Variants in GRID1 observed in about 807,000 individuals in gnomAD.
The protein encoded by GRID1 is glutamate ionotropic receptor delta type subunit 1.
Under a neutral mutation model 98.0 loss-of-function variants are expected in GRID1, and 28 were observed. The observed-to-expected ratio is 0.29, with a 90% CI of 0.21 to 0.39. The LOEUF (loss-of-function observed/expected upper bound fraction) is 0.39. Ranked by LOEUF, GRID1 falls within the 10% of genes least tolerant of loss-of-function variation. The pLI, the probability that GRID1 is intolerant of heterozygous loss-of-function variation, is 1.00. For synonymous variants in GRID1, 553 were observed against 538.5 expected, an observed-to-expected ratio of 1.03 and a Z score of -0.37; for missense variants, 1,111 against 1,340.5, an observed-to-expected ratio of 0.83 and a Z score of 2.67.
At chr10:86,166,354 A>G (rs1845398472) in intron 3 of GRID1, among the ~76,000 whole-genome samples, 1 of 152,204 alleles carries the variant, frequency 6.6e-6, no homozygotes, top group Non-Finnish European at 1.5e-5. Flanking sequence ...AATTTACAAG[A>G]AAAAATCAAC....
intron 4 of GRID1, among the ~76,000 whole-genome samples, chr10:86,011,329 A>T (rs1432186771): frequency 6.6e-6 from 1 of 152,030 alleles, no homozygotes; most frequent in Non-Finnish European, 1.5e-5. Flanking sequence ...GATTTTTGTC[A>T]TTTTTTTTCA....
At chr10:86,070,759 T>C (rs544103141) in intron 4 of GRID1, among the ~76,000 whole-genome samples, 2 of 152,352 alleles carry the variant, frequency 1.3e-5, no homozygotes, top group South Asian at 2.1e-4. Flanking sequence ...CAAACATTCA[T>C]TGACTATTCC....
At chr10:86,118,061 C>T (rs978026500) in intron 4 of GRID1, among the ~76,000 whole-genome samples, 4 of 152,130 alleles carry the variant, frequency 2.6e-5, no homozygotes, top group Non-Finnish European at 5.9e-5. Context: ...CCCAAATGCC[C>T]AGCAATCAAC....
At chr10:86,046,093 C>T (rs979578585) in intron 4 of GRID1, among the ~76,000 whole-genome samples, 2 of 152,150 alleles carry the variant, frequency 1.3e-5, no homozygotes, top group African/African-American at 4.8e-5. Context: ...GACACACCCA[C>T]CGTTGTGCCA....
At chr10:85,867,476 T>G (rs747274096) in intron 6 of GRID1, among the ~76,000 whole-genome samples, 6 of 151,476 alleles carry the variant, frequency 4.0e-5, no homozygotes, top group African/African-American at 7.3e-5. Context: ...CTGCACTGGG[T>G]GGGAATGGGC....
chr10:86,174,684 T>C (rs1349946280), intron 3 of GRID1, among the ~76,000 whole-genome samples: 3 of 149,898 alleles, frequency 2.0e-5, no homozygotes, highest in Non-Finnish European at 4.4e-5. Context: ...CAAAACAAAC[T>C]ACCATCAGAG....
intron 2 of GRID1, among the ~76,000 whole-genome samples, chr10:86,211,960 C>T (rs903546372): frequency 2.0e-5 from 3 of 152,174 alleles, no homozygotes; most frequent in African/African-American, 7.2e-5. Flanking sequence ...AGGAACAAGG[C>T]CTGTCTCCCC....
rs575529045 is a variant in GRID1 at position 85,621,985 on chromosome 10, C to T, written c.2194-1952G>A. 3.9e-5 allele frequency among the ~76,000 whole-genome samples: 6 copies of T among 152,132 alleles called. No homozygotes were observed. In the South Asian group the frequency reaches 1.0e-3, roughly 26 times the overall value. On this transcript the variant is annotated intron_variant, in intron 13 of 15. Coordinates refer to ENST00000327946, the MANE Select transcript of GRID1 (RefSeq NM_017551.3). ...TCTATGATTTCAAAAGGGTATGTCACGTTGAGGGAAAAATTAAGATAAAGG... is the reference window on the plus strand; with the variant it reads ...TCTATGATTTCAAAAGGGTATGTCATGTTGAGGGAAAAATTAAGATAAAGG...
chr10:85,883,308 T>C (rs1173335738), intron 5 of GRID1, among the ~76,000 whole-genome samples: 5 of 152,202 alleles, frequency 3.3e-5, no homozygotes, highest in Non-Finnish European at 7.3e-5. Context: ...TTTTATTCCT[T>C]GCTCATATTT....
intron 3 of GRID1, among the ~76,000 whole-genome samples, chr10:86,146,561 G>C (rs79739552): frequency 6.6e-6 from 1 of 152,088 alleles, no homozygotes; most frequent in Admixed American, 6.6e-5. Flanking sequence ...CCCTCTGCCC[G>C]CTGGAATCCA....
At chr10:85,837,487 G>T (rs781306373) in intron 8 of GRID1, among the ~76,000 whole-genome samples, 7 of 152,148 alleles carry the variant, frequency 4.6e-5, no homozygotes, top group Non-Finnish European at 7.4e-5. Flanking sequence ...CAAAGTTGGG[G>T]CCCAATACAA....
chr10:86,231,600 T>C (rs1846454551), intron 2 of GRID1, among the ~76,000 whole-genome samples: 1 of 152,302 alleles, frequency 6.6e-6, no homozygotes, highest in East Asian at 1.9e-4. Flanking sequence ...GTCGGGGTCA[T>C]GTTATCTCTG....
intron 4 of GRID1, among the ~76,000 whole-genome samples, chr10:86,101,366 A>G (rs1806543261): frequency 6.6e-6 from 1 of 152,258 alleles, no homozygotes; most frequent in Non-Finnish European, 1.5e-5. Context: ...TAATGTAACC[A>G]ACACCATAAT....
intron 4 of GRID1, among the ~76,000 whole-genome samples, chr10:85,936,391 G>T (rs1218969924): frequency 1.3e-5 from 2 of 152,196 alleles, no homozygotes; most frequent in African/African-American, 4.8e-5. Context: ...GCTGATATAA[G>T]AGGCAGCCAC....
At chr10:85,920,861 G>C (rs1841693080) in intron 4 of GRID1, among the ~76,000 whole-genome samples, 1 of 152,204 alleles carries the variant, frequency 6.6e-6, no homozygotes, top group Admixed American at 6.5e-5. Flanking sequence ...CCTGAAGCTA[G>C]ACACTGTGGC....
chr10:85,879,169 A>C (rs549276810), intron 5 of GRID1, among the ~76,000 whole-genome samples: 6 of 152,132 alleles, frequency 3.9e-5, no homozygotes, highest in Admixed American at 3.3e-4. Flanking sequence ...CACAATAATA[A>C]TGGGAGACTT....
At chr10:86,201,667 C>T (rs1845954337) in intron 3 of GRID1, among the ~76,000 whole-genome samples, 1 of 148,420 alleles carries the variant, frequency 6.7e-6, no homozygotes, top group African/African-American at 2.5e-5. Flanking sequence ...CAAACTTGCA[C>T]TTGTACCACT....
rs893149110 is a variant in GRID1 at position 85,855,808 on chromosome 10, T to C, written c.1113+221A>G. 5.3e-5 allele frequency among the ~76,000 whole-genome samples: 8 copies of C among 152,186 alleles called. No individual in the cohort carries two copies. In the East Asian group the frequency reaches 7.7e-4, roughly 15 times the overall value. ...GCTTAACCTCTCAGAAGTTCTTATATTAAATTGAAGACAGTAATGATAGTA... is the reference window on the plus strand; with the variant it reads ...GCTTAACCTCTCAGAAGTTCTTATACTAAATTGAAGACAGTAATGATAGTA... On this transcript the variant is annotated intron_variant, in intron 7 of 15. Transcript: ENST00000327946.
At chr10:85,838,801 A>G (rs118005294) in intron 8 of GRID1, among the ~76,000 whole-genome samples, 5,012 of 152,292 alleles carry the variant, frequency 0.033, 126 homozygotes, top group Non-Finnish European at 0.047. Context: ...CATATCAATA[A>G]TAACCTTAAA....
Sources: allele counts gnomAD v4.1 joint callset (sites outside exome capture counted in the v4.1 genomes callset), GRCh38; gene constraint gnomAD v4.1.1; transcripts MANE v1.5; gene names NCBI Gene and HGNC (gene_info 2026-07-23, HGNC 2026-07-21).